PAPPA2: variants seen among roughly 807,000 people sequenced by gnomAD.
PAPPA2 encodes the protein pappalysin 2, also known as pappalysin-2.
Under a neutral mutation model 176.4 loss-of-function variants are expected in PAPPA2, and 86 were observed. The ratio of observed to expected loss-of-function variants is 0.49; its 90% CI spans 0.41 to 0.58. PAPPA2 has a LOEUF of 0.58. Ranked by LOEUF, PAPPA2 falls within the 20% of genes least tolerant of loss-of-function variation. The pLI is 0.00. For missense variants in PAPPA2, 2,073 were observed against 2,256.9 expected (o/e 0.92, Z 1.65); for synonymous variants, 809 against 852.2 (o/e 0.95, Z 0.88).
chr1:176,589,597 C>T (rs971385542), intron 2 of PAPPA2, among the ~76,000 whole-genome samples: 6 of 152,190 alleles, frequency 3.9e-5, no homozygotes, highest in African/African-American at 1.2e-4. Context: ...TGAGTTACAA[C>T]ATTTGATCTG....
At chr1:176,650,830 T>G (rs1657676125) in intron 3 of PAPPA2, among the ~76,000 whole-genome samples, 1 of 151,702 alleles carries the variant, frequency 6.6e-6, no homozygotes, top group South Asian at 2.1e-4. Context: ...CTCTGGTAGA[T>G]TGTTTTAATT....
At chr1:176,534,085 T>TA (rs11409028) in intron 1 of PAPPA2, among the ~76,000 whole-genome samples, 21,776 of 152,250 alleles carry the variant, frequency 0.14, 1,763 homozygotes, top group African/African-American at 0.2. Flanking sequence ...TTACTTCTTC[T>TA]AAAATATGGC....
intron 14 of PAPPA2, among the ~76,000 whole-genome samples, chr1:176,747,200 TTAAC>T (rs993210004): frequency 2.6e-5 from 4 of 152,222 alleles, no homozygotes; most frequent in African/African-American, 4.8e-5. Context: ...TAACAAAAGT[TTAAC>T]TAGCCCTGGA....
intron 1 of PAPPA2, among the ~76,000 whole-genome samples, chr1:176,531,886 G>A (rs927082487): frequency 5.3e-5 from 8 of 152,126 alleles, no homozygotes; most frequent in African/African-American, 1.9e-4. Context: ...TGGCACATGT[G>A]GGCACTGACT....
chr1:176,626,110 A>C (rs893254819), intron 3 of PAPPA2, among the ~76,000 whole-genome samples: 2 of 152,216 alleles, frequency 1.3e-5, no homozygotes, highest in African/African-American at 4.8e-5. Flanking sequence ...AGTAATTACA[A>C]AGTTCACACC....
At chr1:176,551,312 G>C (rs1650934325) in intron 1 of PAPPA2, among the ~76,000 whole-genome samples, 1 of 152,154 alleles carries the variant, frequency 6.6e-6, no homozygotes, top group African/African-American at 2.4e-5. Context: ...TGTCATTTTA[G>C]ACTGCAAGTA....
intron 3 of PAPPA2, among the ~76,000 whole-genome samples, chr1:176,615,944 C>T (rs923715881): frequency 4.6e-5 from 7 of 152,108 alleles, no homozygotes; most frequent in African/African-American, 1.2e-4. Context: ...TCTTATGTAT[C>T]GATAAGATTC....
chr1:176,750,644 CAACA>C (rs1183240107), intron 14 of PAPPA2, among the ~76,000 whole-genome samples: 1 of 151,934 alleles, frequency 6.6e-6, no homozygotes, highest in Non-Finnish European at 1.5e-5. Context: ...ACAACAACAA[CAACA>C]AACAATTAGC....
intron 3 of PAPPA2, among the ~76,000 whole-genome samples, chr1:176,596,414 C>T (rs967370475): frequency 6.6e-6 from 1 of 152,142 alleles, no homozygotes; most frequent in African/African-American, 2.4e-5. Flanking sequence ...TGTGCTGTTC[C>T]ATCTTCTTGG....
intron 3 of PAPPA2, among the ~76,000 whole-genome samples, chr1:176,660,767 T>A (rs1004191744): frequency 6.6e-6 from 1 of 152,160 alleles, no homozygotes; most frequent in Non-Finnish European, 1.5e-5. Context: ...TTTTGCATGA[T>A]TCTTTTTTCC....
At chr1:176,676,532 CT>C (rs1659308840) in intron 4 of PAPPA2, among the ~76,000 whole-genome samples, 1 of 151,382 alleles carries the variant, frequency 6.6e-6, no homozygotes, top group African/African-American at 2.4e-5. Context: ...TGGTAAAATT[CT>C]AGAGATAAAG....
chr1:176,732,476 C>T (rs1224572012), intron 12 of PAPPA2, among the ~76,000 whole-genome samples: 1 of 152,094 alleles, frequency 6.6e-6, no homozygotes, highest in Non-Finnish European at 1.5e-5. Context: ...TAAGTTTAAG[C>T]TTGATGGTGA....
At position 176,630,130 on chromosome 1, in the gene PAPPA2, G is replaced by T. The variant is rs541763419; in HGVS notation, c.1991+34535G>T. On this transcript the variant is annotated intron_variant, in intron 3 of 22. Coordinates refer to ENST00000367662, the MANE Select transcript of PAPPA2 (RefSeq NM_020318.3). ...AACTAACTCTAGGACACAAAGTTAAGTGGGAGGGAGGGTCCTTTCTTCAAA... is the reference window on the plus strand; with the variant it reads ...AACTAACTCTAGGACACAAAGTTAATTGGGAGGGAGGGTCCTTTCTTCAAA... 7.7e-4 allele frequency among the ~76,000 whole-genome samples: 117 copies of T among 152,308 alleles called. 2 individuals carry two copies. The highest frequency in any genetic ancestry group is 4.8e-3 in the South Asian group (23 of 4,826).
intron 2 of PAPPA2, among the ~76,000 whole-genome samples, chr1:176,572,009 A>G (rs890107670): frequency 6.6e-6 from 1 of 152,196 alleles, no homozygotes; most frequent in Non-Finnish European, 1.5e-5. Context: ...CCGTCAGAGC[A>G]TCACAGGCCA....
intron 21 of PAPPA2, among the ~76,000 whole-genome samples, chr1:176,822,705 C>T (rs763747894): frequency 6.6e-6 from 1 of 152,106 alleles, no homozygotes; most frequent in Non-Finnish European, 1.5e-5. Context: ...ATGGTTCACT[C>T]CTTAATTTGT....
chr1:176,633,441 A>C (rs1656471070), intron 3 of PAPPA2, among the ~76,000 whole-genome samples: 1 of 152,228 alleles, frequency 6.6e-6, no homozygotes, highest in Non-Finnish European at 1.5e-5. Context: ...CATCTTGTAA[A>C]AATTTGAAAA....
At chr1:176,487,654 A>G (rs1572960194) in intron 1 of PAPPA2, among the ~76,000 whole-genome samples, 1 of 152,260 alleles carries the variant, frequency 6.6e-6, no homozygotes, top group African/African-American at 2.4e-5. Context: ...TGACTCTAAT[A>G]AGCATTTATT....
chr1:176,686,465 G>A (rs1029622866), intron 4 of PAPPA2, among the ~76,000 whole-genome samples: 1 of 152,094 alleles, frequency 6.6e-6, no homozygotes, highest in Non-Finnish European at 1.5e-5. Context: ...GGGGATTATG[G>A]GATTATGGGG....
At chr1:176,609,426 T>G in intron 3 of PAPPA2, among the ~76,000 whole-genome samples, 1 of 151,850 alleles carries the variant, frequency 6.6e-6, no homozygotes, top group African/African-American at 2.4e-5. Flanking sequence ...GGCCAGACAG[T>G]GGTAAGTGCT....
Sources: allele counts gnomAD v4.1 joint callset (sites outside exome capture counted in the v4.1 genomes callset), GRCh38; gene constraint gnomAD v4.1.1; transcripts MANE v1.5; gene names NCBI Gene and HGNC (gene_info 2026-07-23, HGNC 2026-07-21).